PCDH15: variants seen among roughly 807,000 people sequenced by gnomAD.
PCDH15 encodes protocadherin-15.
PCDH15 carries 129 observed loss-of-function variants against 178.5 expected under a neutral mutation model. The ratio of observed to expected loss-of-function variants is 0.72; its 90% confidence interval spans 0.63 to 0.84. The LOEUF (loss-of-function observed/expected upper bound fraction) is 0.84. PCDH15 is among the 40% of genes least tolerant of loss of function. The pLI is 0.00. For missense variants in PCDH15, 2,230 were observed against 2,099.9 expected (o/e 1.06, Z -1.21); for synonymous variants, 800 against 732.0 (o/e 1.09, Z -1.50).
At chr10:54,199,284 G>T (rs538252612) in intron 10 of PCDH15, among the ~76,000 whole-genome samples, 22 of 152,152 alleles carry the variant, frequency 1.4e-4, no homozygotes, top group Non-Finnish European at 2.9e-4. Flanking sequence ...TATCTGTCCA[G>T]ATGTGAAAAT....
At chr10:55,063,566 C>T (rs968237788) in intron 2 of PCDH15, among the ~76,000 whole-genome samples, 4 of 152,168 alleles carry the variant, frequency 2.6e-5, no homozygotes, top group East Asian at 3.9e-4. Context: ...GGGAGAATTA[C>T]TATCTTTTTT....
At chr10:54,050,448 CTCT>C (rs2093744332) in intron 18 of PCDH15, among the ~76,000 whole-genome samples, 1 of 151,972 alleles carries the variant, frequency 6.6e-6, no homozygotes, top group Admixed American at 6.6e-5. Flanking sequence ...TGGATTTCCT[CTCT>C]TTTTATTTGT....
intron 15 of PCDH15, among the ~76,000 whole-genome samples, chr10:54,130,538 C>A (rs2042349982): frequency 6.6e-6 from 1 of 152,028 alleles, no homozygotes; most frequent in African/African-American, 2.4e-5. Context: ...AGCCGTCAGG[C>A]AAAACTGCAT....
At chr10:54,322,664 G>A (rs1172725575) in intron 7 of PCDH15, among the ~76,000 whole-genome samples, 1 of 151,780 alleles carries the variant, frequency 6.6e-6, no homozygotes, top group Non-Finnish European at 1.5e-5. Flanking sequence ...AAAAAGCACT[G>A]GACCAGATAG....
At chr10:55,154,377 G>A (rs1014768730) in intron 2 of PCDH15, among the ~76,000 whole-genome samples, 4 of 152,034 alleles carry the variant, frequency 2.6e-5, no homozygotes, top group Admixed American at 6.6e-5. Context: ...GGAGAACCCT[G>A]GGGCAAATCA....
At chr10:54,170,202 A>G (rs2046737464) in intron 13 of PCDH15, among the ~76,000 whole-genome samples, 1 of 150,532 alleles carries the variant, frequency 6.6e-6, no homozygotes, top group Non-Finnish European at 1.5e-5. Context: ...AATTCTCATA[A>G]AAACACACGT....
At chr10:53,917,677 A>G (rs1054652979) in intron 25 of PCDH15, among the ~76,000 whole-genome samples, 2 of 152,156 alleles carry the variant, frequency 1.3e-5, no homozygotes, top group African/African-American at 4.8e-5. Context: ...TCTAAAAGAT[A>G]AGAGAAGAAT....
At chr10:54,248,885 A>G (rs2056230193) in intron 8 of PCDH15, among the ~76,000 whole-genome samples, 2 of 152,056 alleles carry the variant, frequency 1.3e-5, no homozygotes, top group Non-Finnish European at 2.9e-5. Context: ...ATAGTAGAAA[A>G]TCATCTAGAG....
At chr10:54,220,163 C>G (rs951706583) in intron 9 of PCDH15, among the ~76,000 whole-genome samples, 1 of 152,180 alleles carries the variant, frequency 6.6e-6, no homozygotes, top group Non-Finnish European at 1.5e-5. Context: ...TGAATAATAG[C>G]CGCTGAGCTG....
chr10:55,028,365 A>G (rs1172596709), intron 2 of PCDH15, among the ~76,000 whole-genome samples: 2 of 152,010 alleles, frequency 1.3e-5, no homozygotes, highest in Non-Finnish European at 3.0e-5. Flanking sequence ...ATGACTCTCA[A>G]TAAGAATACC....
At chr10:55,514,325 C>T (rs950410980) in intron 2 of PCDH15, among the ~76,000 whole-genome samples, 1 of 152,082 alleles carries the variant, frequency 6.6e-6, no homozygotes, top group African/African-American at 2.4e-5. Flanking sequence ...TTGAAGCTAC[C>T]TTTAAGAAAC....
At chr10:54,889,712 A>T (rs894492393) in intron 3 of PCDH15, among the ~76,000 whole-genome samples, 27 of 151,472 alleles carry the variant, frequency 1.8e-4, no homozygotes, top group African/African-American at 6.3e-4. Flanking sequence ...AATGTTTCTA[A>T]TACATTTGAG....
chr10:55,589,115 A>G (rs1040992365), intron 2 of PCDH15, among the ~76,000 whole-genome samples: 10 of 151,240 alleles, frequency 6.6e-5, no homozygotes, highest in African/African-American at 2.2e-4. Flanking sequence ...AGAAAGGATT[A>G]AAGTTACAAA....
chr10:54,678,676 T>C (rs2094836775), intron 1 of PCDH15, among the ~76,000 whole-genome samples: 1 of 152,302 alleles, frequency 6.6e-6, no homozygotes, highest in Admixed American at 6.5e-5. Flanking sequence ...TTTTAGATAT[T>C]GGTTACCACC....
intron 1 of PCDH15, among the ~76,000 whole-genome samples, chr10:54,673,485 C>T (rs978021108): frequency 2.0e-4 from 31 of 152,246 alleles, no homozygotes; most frequent in African/African-American, 7.0e-4. Context: ...GTTGCCCAGG[C>T]TGGAGTGCAA....
chr10:54,267,591 TCAA>T, intron 8 of PCDH15, among the ~76,000 whole-genome samples: 1 of 151,952 alleles, frequency 6.6e-6, no homozygotes, highest in South Asian at 2.1e-4. Context: ...AGATAGGCAA[TCAA>T]CATACAAAAA....
chr10:54,385,297 A>G (rs1455602268), intron 3 of PCDH15, among the ~76,000 whole-genome samples: 1 of 152,130 alleles, frequency 6.6e-6, no homozygotes, highest in Non-Finnish European at 1.5e-5. Flanking sequence ...CAATAAGGCA[A>G]AATTATTTAA....
chr10:55,238,380 G>A (rs1375470793), intron 1 of PCDH15, among the ~76,000 whole-genome samples: 1 of 151,932 alleles, frequency 6.6e-6, no homozygotes, highest in East Asian at 1.9e-4. Context: ...TCGATCTCCT[G>A]ACCTCGTGAT....
rs1400827224 is a variant in PCDH15, at chr10:53,802,818, T to C, written c.*3761A>G. 1 of 151,964 alleles carries C rather than the reference T, an allele frequency of 6.6e-6. No individual in the cohort carries two copies. The highest frequency in any genetic ancestry group is 1.5e-5 in the Non-Finnish European group (1 of 67,872). 9.4% of individuals were successfully genotyped at this position (151,964 alleles called of 1,614,324 possible). A position where few individuals can be genotyped will look rare whatever the true frequency, so the allele number is the denominator to read the frequency against. On this transcript the variant is annotated 3_prime_UTR_variant, in exon 38 of 38. Transcript: ENST00000644397. ...TGAAACATTGTGTAGTGAATAACAA[T>C]GCATTTTAACTTAAAACTTCTAATT...
Sources: allele counts gnomAD v4.1 joint callset (sites outside exome capture counted in the v4.1 genomes callset), GRCh38; gene constraint gnomAD v4.1.1; transcripts MANE v1.5; gene names NCBI Gene and HGNC (gene_info 2026-07-23, HGNC 2026-07-21).